Variants in ADORA2B observed in about 807,000 individuals in gnomAD.
The protein encoded by ADORA2B is adenosine receptor A2b.
A neutral mutation model predicts 20.8 loss-of-function variants in ADORA2B; 18 were observed. The observed-to-expected ratio is 0.87, with a 90% confidence interval of 0.60 to 1.29. ADORA2B has a LOEUF of 1.29. ADORA2B is among the 50% of genes most tolerant of loss of function. The pLI is 0.00. For synonymous variants in ADORA2B, 179 were observed against 178.3 expected (o/e 1.00, Z -0.03); for missense variants, 441 against 422.7 (o/e 1.04, Z -0.38).
At chr17:15,903,504 G>A in the ADORA2B span, among the ~76,000 whole-genome samples, 2 of 152,120 alleles carry the variant, frequency 1.3e-5, no homozygotes, top group Non-Finnish European at 2.9e-5. Flanking sequence ...CACCTTCTAG[G>A]CTGAATGCTA....
In ADORA2B at chr17:15,964,613, C is replaced by G. The variant is rs540344353; in HGVS notation, c.336-10066C>G. ...CTGGGCGACAAGAGCAAGACTCTGT[C>G]TCAAAAAAAAAAAAAAAAAGAAAAG... On this transcript the variant is annotated intron_variant, in intron 1 of 1. Coordinates refer to ENST00000304222, the MANE Select transcript of ADORA2B (RefSeq NM_000676.4). Among the ~76,000 whole-genome samples, 6 of 122,446 alleles carry G rather than the reference C, an allele frequency of 4.9e-5. No individual in the cohort carries two copies. In the East Asian group the frequency reaches 1.4e-3, roughly 28 times the overall value. The allele number at this position is 122,446 out of a possible 152,430, so 80.3% of individuals were successfully genotyped here.
intron 1 of ADORA2B, among the ~76,000 whole-genome samples, chr17:15,945,941 T>C (rs910216308): frequency 4.6e-5 from 7 of 151,826 alleles, no homozygotes; most frequent in Non-Finnish European, 1.0e-4. Flanking sequence ...GCGCGGGAGT[T>C]TTGGTGATCA....
the ADORA2B span, among the ~76,000 whole-genome samples, chr17:15,894,060 A>G: frequency 6.6e-6 from 1 of 152,188 alleles, no homozygotes; most frequent in Non-Finnish European, 1.5e-5. Context: ...GACCTAGAAC[A>G]TCCTACAATA....
chr17:15,889,363 T>C, the ADORA2B span, among the ~76,000 whole-genome samples: 4 of 129,684 alleles, frequency 3.1e-5, 2 homozygotes, highest in Non-Finnish European at 6.5e-5. Flanking sequence ...TAATTTGCTA[T>C]TTTCTGTCCT....
the ADORA2B span, among the ~76,000 whole-genome samples, chr17:15,884,504 A>G: frequency 1.3e-5 from 2 of 152,070 alleles, no homozygotes; most frequent in African/African-American, 4.8e-5. Flanking sequence ...TCAACAAATC[A>G]CCCATCTTAA....
the ADORA2B span, among the ~76,000 whole-genome samples, chr17:15,909,138 T>C: frequency 6.6e-6 from 1 of 151,866 alleles, no homozygotes; most frequent in African/African-American, 2.4e-5. Flanking sequence ...CGGTCAAGTA[T>C]GATCAAGCCA....
At chr17:15,909,619 G>T in the ADORA2B span, among the ~76,000 whole-genome samples, 1 of 152,166 alleles carries the variant, frequency 6.6e-6, no homozygotes, top group African/African-American at 2.4e-5. Flanking sequence ...ACCCACACAG[G>T]CTTGTCCTCC....
At chr17:15,964,636 A>G (rs1183585493) in intron 1 of ADORA2B, among the ~76,000 whole-genome samples, 1 of 151,204 alleles carries the variant, frequency 6.6e-6, no homozygotes, top group Non-Finnish European at 1.5e-5. Context: ...AAAAAAAGAA[A>G]AGATGAATTC....
the ADORA2B span, among the ~76,000 whole-genome samples, chr17:15,851,964 T>C: frequency 6.6e-6 from 1 of 152,240 alleles, no homozygotes; most frequent in Admixed American, 6.5e-5. Context: ...AAATGAACAA[T>C]AATAACTTGA....
the ADORA2B span, among the ~76,000 whole-genome samples, chr17:15,860,278 T>C: frequency 2.1e-4 from 32 of 152,310 alleles, no homozygotes; most frequent in African/African-American, 7.2e-4. Context: ...CCTTCTTTAA[T>C]TCAGTGTCTG....
chr17:15,946,408 G>A (rs1046019755), intron 1 of ADORA2B, among the ~76,000 whole-genome samples: 6 of 152,224 alleles, frequency 3.9e-5, no homozygotes, highest in African/African-American at 1.4e-4. Flanking sequence ...GAGTCAGCCA[G>A]CGACCAGAGT....
intron 1 of ADORA2B, among the ~76,000 whole-genome samples, chr17:15,950,691 C>A (rs552496464): frequency 7.2e-5 from 11 of 152,308 alleles, no homozygotes; most frequent in Non-Finnish European, 1.3e-4. Context: ...CACATCATAC[C>A]GTTCCCCTGC....
the ADORA2B span, among the ~76,000 whole-genome samples, chr17:15,870,375 A>C: frequency 6.6e-6 from 1 of 151,918 alleles, no homozygotes; most frequent in South Asian, 2.1e-4. Flanking sequence ...AGGGTGGCTC[A>C]CACCAGTAAT....
At chr17:15,871,174 T>TG in the ADORA2B span, among the ~76,000 whole-genome samples, 1 of 152,156 alleles carries the variant, frequency 6.6e-6, no homozygotes, top group Non-Finnish European at 1.5e-5. Flanking sequence ...TATGAAACTA[T>TG]GAGGAATAAA....
the ADORA2B span, among the ~76,000 whole-genome samples, chr17:15,881,677 G>A: frequency 9.2e-5 from 14 of 152,208 alleles, no homozygotes; most frequent in African/African-American, 2.7e-4. Flanking sequence ...GACTCACACC[G>A]CATGTGCCCT....
intron 1 of ADORA2B, among the ~76,000 whole-genome samples, chr17:15,967,769 TCAGGAACCTC>T (rs1236372998): frequency 6.6e-6 from 1 of 152,188 alleles, no homozygotes; most frequent in African/African-American, 2.4e-5. Context: ...GCACCATCCT[TCAGGAACCTC>T]CATGTGTTTG....
the ADORA2B span, among the ~76,000 whole-genome samples, chr17:15,875,673 C>T: frequency 3.3e-5 from 5 of 152,202 alleles, no homozygotes; most frequent in Non-Finnish European, 5.9e-5. Context: ...TCCTCCTACT[C>T]CTGGGTTCAA....
At chr17:15,854,194 A>G in the ADORA2B span, among the ~76,000 whole-genome samples, 1 of 152,160 alleles carries the variant, frequency 6.6e-6, no homozygotes, top group Non-Finnish European at 1.5e-5. Flanking sequence ...ACCTCAGGTG[A>G]TCTGCCCACC....
intron 1 of ADORA2B, among the ~76,000 whole-genome samples, chr17:15,956,373 G>A (rs1023975607): frequency 1.3e-5 from 2 of 152,026 alleles, no homozygotes; most frequent in African/African-American, 4.8e-5. Context: ...TTGCCCACAG[G>A]CTGTCTTCCT....
Sources: gnomAD v4.1 joint callset for allele counts (sites outside exome capture counted in the v4.1 genomes callset) on GRCh38, gnomAD v4.1.1 for gene constraint, MANE v1.5 for transcripts, NCBI Gene and HGNC (gene_info 2026-07-23, HGNC 2026-07-21) for gene names.